Variants in WDR87 observed in about 807,000 individuals in gnomAD.
The protein encoded by WDR87 is WD repeat domain 87.
Under a neutral mutation model 83.3 loss-of-function variants are expected in WDR87, and 56 were observed. That is an observed-to-expected ratio of 0.67 (90% CI 0.54 to 0.84). The LOEUF (loss-of-function observed/expected upper bound fraction) is 0.84. WDR87 is among the 40% of genes least tolerant of loss of function. WDR87 has a pLI of 0.00. For synonymous variants in WDR87, 1,173 were observed against 1,250.6 expected, an observed-to-expected ratio of 0.94 and a Z score of 1.31; for missense variants, 2,939 against 3,431.9, an observed-to-expected ratio of 0.86 and a Z score of 3.59.
intron 1 of WDR87, among the ~76,000 whole-genome samples, chr19:37,902,685 GCACCAGTC>G (rs2046300573): frequency 6.6e-6 from 1 of 152,158 alleles, no homozygotes; most frequent in Admixed American, 6.5e-5. Flanking sequence ...CCTTTTCTTA[GCACCAGTC>G]CACTGTAAGG....
In WDR87 at chr19:37,894,980, G is replaced by T. The variant is rs751844006; in HGVS notation, c.723C>A (p.Gly241=). 6.4e-7 allele frequency: 1 copy of T among 1,551,688 alleles called. No individual in the cohort carries two copies. The highest frequency in any genetic ancestry group is 8.7e-7 in the Non-Finnish European group (1 of 1,146,984). The change falls in exon 4 of 6, where the codon GGC becomes GGA. Residue 241 remains glycine, a synonymous_variant. Coordinates refer to ENST00000447313, the MANE Select transcript of WDR87 (RefSeq NM_001291088.2). ...AGGTGAAGCAGCAGGTGATGGAGGA[G>T]CCGCTGCTGGTGGACGTGAACCTCT... The part of the protein sequence containing the change: ...EVKRFTSTSS[G]SSITCCFTCF...
rs373442328 is a variant in WDR87 at position 37,886,681 on chromosome 19, TTTCTTC to T, written c.6984_6989del (p.Lys2330_Lys2331del). On this transcript the variant is annotated inframe_deletion, in exon 6 of 6. Coordinates refer to ENST00000447313, the MANE Select transcript of WDR87 (RefSeq NM_001291088.2). The stretch of plus-strand genomic sequence containing the variant: ...GAACCTCCTCCTTCTTCTTTTCCTT[TTTCTTC>T]TTCTTCTTCTCCTCCTCTTCTTTCT... The T allele has an allele frequency of 1.3e-4, 197 of 1,473,754 alleles. 1 individual carries two copies. Among genetic ancestry groups the T allele is most frequent in the Non-Finnish European group, 1.5e-5 (16 of 1,085,806 alleles). 91.3% of individuals were successfully genotyped at this position (1,473,754 alleles called of 1,614,324 possible).
In WDR87 at chr19:37,887,202, G is replaced by A. The variant is rs2046156742; in HGVS notation, c.6469C>T (p.Leu2157=). The change falls in exon 6 of 6, where the codon CTG becomes TTG. Residue 2157 remains leucine, a synonymous_variant. Transcript: ENST00000447313. ...GAAAAATCCCACTCTTTGATATCCA[G>A]CTTACTCTGTTCTATACTCAACCTG... The part of the protein sequence containing the change: ...ERRLSIEQSK[L]DIKEWDFSEK... The A allele has an allele frequency of 6.4e-7, 1 of 1,551,706 alleles. No individual in the cohort carries two copies.
chr19:37,897,056 A>G (rs572869625), intron 2 of WDR87, among the ~76,000 whole-genome samples: 2 of 152,152 alleles, frequency 1.3e-5, no homozygotes. Flanking sequence ...GTGCAGCTCT[A>G]AGTTACTGAA....
At position 37,886,377 on chromosome 19, in the gene WDR87, G is replaced by A; in HGVS notation, c.7294C>T (p.Leu2432=). ...LGVLKSPLKK[L]MSTALEMKEK... ...TTCATCTCCAGAGCTGTTGACATCA[G>A]TTTCTTCAAAGGGCTTTTTAGAACT... is the stretch of plus-strand genomic sequence containing the variant. The change falls in exon 6 of 6, where the codon CTG becomes TTG. Residue 2432 remains leucine, a synonymous_variant. Coordinates refer to ENST00000447313, the MANE Select transcript of WDR87 (RefSeq NM_001291088.2). 1.3e-6 allele frequency: 2 copies of A among 1,547,670 alleles called. No individual in the cohort carries two copies. The highest frequency in any genetic ancestry group is 1.7e-6 in the Non-Finnish European group (2 of 1,146,050).
intron 1 of WDR87, among the ~76,000 whole-genome samples, chr19:37,903,844 A>C (rs1255517033): frequency 2.0e-5 from 3 of 151,944 alleles, no homozygotes; most frequent in African/African-American, 7.3e-5. Flanking sequence ...ATTTGGTTTA[A>C]TTCTTACAAT....
chr19:37,885,911 CT>C lies in WDR87; in HGVS notation c.7759del (p.Arg2587AspfsTer15). 3 of 1,552,324 alleles carry C rather than the reference CT, an allele frequency of 1.9e-6. No homozygotes were observed. Among genetic ancestry groups the C allele is most frequent in the Non-Finnish European group, 2.6e-6 (3 of 1,147,144 alleles). The part of the protein sequence containing the change: ...GEQLSRDGFH[R>X]LCQLLKDLAS... ...AAGGTCTTTGAGCAGCTGGCACAGT[CT>C]ATGGAAACCATCCCTGGAAAGCTGT... On this transcript the variant is annotated frameshift_variant, in exon 6 of 6. Coordinates refer to ENST00000447313, the MANE Select transcript of WDR87 (RefSeq NM_001291088.2). LOFTEE classifies it low-confidence loss of function (END_TRUNC).
At position 37,893,034 on chromosome 19, in the gene WDR87, C is replaced by A. The variant is rs200847637; in HGVS notation, c.2669G>T (p.Arg890Ile). Residue 890 changes from arginine to isoleucine, a missense_variant, in exon 4 of 6, where the codon AGA becomes ATA. Arg to Ile is a moderately conservative substitution (Grantham distance 97, BLOSUM62 -3). Around this residue, in one of 3 missense-constraint regions of WDR87, gnomAD observed 2,160 missense variants for 2,533.1 expected, o/e 0.85. Transcript: ENST00000447313. The stretch of plus-strand genomic sequence containing the variant: ...ACTGTAGGTTACATCCTTGGAAAGT[C>A]TCATTTCTAGGAAGTGTTCATCCTC... ...KEEDEHFLEM[R>I]LSKDVTYSVL... 118 of 1,551,660 alleles carry A rather than the reference C, an allele frequency of 7.6e-5. No homozygotes were observed. Among genetic ancestry groups the A allele is most frequent in the Non-Finnish European group, 9.8e-5 (112 of 1,147,014 alleles).
chr19:37,886,555 C>T lies in WDR87; in HGVS notation c.7116G>A (p.Leu2372=). The T allele has an allele frequency of 6.6e-7, 1 of 1,504,582 alleles. No homozygotes were observed. The highest frequency in any genetic ancestry group is 1.7e-4 in the Middle Eastern group (1 of 5,760). The allele number at this position is 1,504,582 out of a possible 1,614,324, so 93.2% of individuals were successfully genotyped here. Residue 2372 remains leucine (L), a synonymous_variant, in exon 6 of 6, where the codon TTG becomes TTA. Coordinates refer to ENST00000447313, the MANE Select transcript of WDR87 (RefSeq NM_001291088.2). ...DEEEEEESCS[L]EEEVDREKEI... ...CTTTTTCCCTGTCCACCTCTTCTTC[C>T]AATGAGCAGCTCTCCTCTTCCTCTT...
chr19:37,890,417 A>G, intron 5 of WDR87, 141 bp from the exon 6 acceptor site: 1 of 1,071,324 alleles, frequency 9.3e-7, no homozygotes, highest in East Asian at 2.8e-5. Flanking sequence ...AAAAAAAAGC[A>G]TTCTCTTTGC....
chr19:37,903,083 C>A (rs2046302804), intron 1 of WDR87, among the ~76,000 whole-genome samples: 1 of 152,134 alleles, frequency 6.6e-6, no homozygotes. Context: ...GGAGACCTGG[C>A]CACCCAAAAG....
Position 37,890,246 on chromosome 19 carries a change from G to A in WDR87, c.3425C>T (p.Thr1142Met), listed in dbSNP as rs542731017. The A allele has an allele frequency of 7.3e-5, 113 of 1,539,656 alleles. No homozygotes were observed. Among genetic ancestry groups the A allele is most frequent in the Admixed American group, 3.4e-4 (17 of 49,482 alleles). Residue 1142 changes from threonine to methionine, a missense_variant, in exon 6 of 6, where the codon ACG becomes ATG. By Grantham distance (81) the Thr-to-Met change is moderately conservative. This residue lies in a region of WDR87 where 2,160 missense variants were observed against 2,533.1 expected (regional missense o/e 0.85). Transcript: ENST00000447313. ...SQKWLRGLKK[T>M]KERDSKQMST... is the part of the protein sequence containing the mutation. ...CATCTGTTTAGAGTCTCTCTCTTTC[G>A]TCTTCTTGAGACCCCGCAACCATTT...
Position 37,895,095 on chromosome 19 carries a change from A to G in WDR87, c.608T>C (p.Leu203Pro). The change falls in exon 4 of 6, where the codon CTG becomes CCG. Residue 203 changes from leucine to proline, a missense_variant. Physicochemically the swap from Leu to Pro is moderately conservative, Grantham distance 98 (BLOSUM62 -3). Transcript: ENST00000447313. ...CAGGAGGGAGCCACTGGGACCATTC[A>G]GCACGATGTCCTGGACAAGCTCATC... ...PGDELVQDIV[L>P]NGPSGSLLAL... The G allele has an allele frequency of 3.9e-6, 6 of 1,551,684 alleles. No individual in the cohort carries two copies. Among genetic ancestry groups the G allele is most frequent in the Non-Finnish European group, 4.4e-6 (5 of 1,146,976 alleles).
intron 1 of WDR87, among the ~76,000 whole-genome samples, chr19:37,899,702 C>A (rs536080283): frequency 2.2e-4 from 34 of 151,982 alleles, no homozygotes; most frequent in Non-Finnish European, 4.0e-4. Flanking sequence ...CCTACCTTGG[C>A]CTCCCCAAAT....
chr19:37,888,822 G>A lies in WDR87; in HGVS notation c.4849C>T (p.His1617Tyr), dbSNP rs1348539418. 3.9e-6 allele frequency: 6 copies of A among 1,551,350 alleles called. No individual in the cohort carries two copies. Among genetic ancestry groups the A allele is most frequent in the Non-Finnish European group, 1.7e-6 (2 of 1,146,980 alleles). Residue 1617 changes from histidine (H) to tyrosine (Y), a missense_variant, in exon 6 of 6, where the codon CAC (histidine) becomes TAC (tyrosine). Physicochemically the swap from His to Tyr is moderately conservative, Grantham distance 83 (BLOSUM62 2). Around this residue, in one of 3 missense-constraint regions of WDR87, gnomAD observed 2,160 missense variants for 2,533.1 expected, o/e 0.85. Transcript: ENST00000447313. ...IQEEHKWARI[H>Y]RKRARAEKKR... The stretch of plus-strand genomic sequence containing the variant: ...TTTTCAGCTCGGGCTCGTTTCCTGT[G>A]TATTCTGGCCCATTTGTGTTCTTCT...
chr19:37,886,711 C>G lies in WDR87; in HGVS notation c.6960G>C (p.Glu2320Asp), dbSNP rs773575641. The G allele has an allele frequency of 1.7e-5, 25 of 1,449,200 alleles. No homozygotes were observed. Among genetic ancestry groups the G allele is most frequent in the Non-Finnish European group, 2.2e-5 (23 of 1,067,972 alleles). The allele number at this position is 1,449,200 out of a possible 1,614,324, so 89.8% of individuals were successfully genotyped here. The change falls in exon 6 of 6, where the codon GAG becomes GAC. Residue 2320 changes from glutamate (E) to aspartate (D), a missense_variant. By Grantham distance (45) the Glu-to-Asp change is conservative. Around this residue, in one of 3 missense-constraint regions of WDR87, gnomAD observed 2,160 missense variants for 2,533.1 expected, o/e 0.85. Transcript: ENST00000447313. ...TCTTCTTCTTCTCCTCCTCTTCTTTCTCCACTTGCTTCTCCTCCCCTTCCT... is the reference window on the plus strand; with the variant it reads ...TCTTCTTCTTCTCCTCCTCTTCTTTGTCCACTTGCTTCTCCTCCCCTTCCT... ...EEEEGEEKQV[E>D]KEEEEKKKKK...
chr19:37,885,370 T>C lies in WDR87; in HGVS notation c.8301A>G (p.Thr2767=). 1 of 1,551,826 alleles carries C rather than the reference T, an allele frequency of 6.4e-7. No homozygotes were observed. Among genetic ancestry groups the C allele is most frequent in the Non-Finnish European group, 8.7e-7 (1 of 1,147,020 alleles). The stretch of plus-strand genomic sequence containing the variant: ...GCAAAACATGGTACAGTGCCACAAA[T>C]GTCTCCCACAAAGGCAACTCTTCCT... ...KKKEELPLWE[T]FVALYHVLRM... is the part of the protein sequence containing the mutation. Residue 2767 remains threonine (T), a synonymous_variant, in exon 6 of 6, where the codon ACA becomes ACG. Transcript: ENST00000447313.
rs759797892 is a variant in WDR87 at position 37,893,032 on chromosome 19, G to C, written c.2671C>G (p.Leu891Val). The C allele has an allele frequency of 3.4e-5, 53 of 1,551,632 alleles. No homozygotes were observed. The highest frequency in any genetic ancestry group is 3.2e-4 in the East Asian group (13 of 40,940). Residue 891 changes from leucine to valine, a missense_variant, in exon 4 of 6, where the codon CTT becomes GTT. This residue lies in a region of WDR87 where 2,160 missense variants were observed against 2,533.1 expected (regional missense o/e 0.85). Transcript: ENST00000447313. ...EEDEHFLEMR[L>V]SKDVTYSVLT... ...ACACTGTAGGTTACATCCTTGGAAA[G>C]TCTCATTTCTAGGAAGTGTTCATCC... is the stretch of plus-strand genomic sequence containing the variant.
intron 2 of WDR87, 81 bp from the exon 3 acceptor site, chr19:37,896,389 A>G: frequency 6.9e-7 from 1 of 1,448,952 alleles, no homozygotes; most frequent in Non-Finnish European, 9.3e-7. Context: ...CAGTTGGAGC[A>G]GTTCCCAAAG....
Sources: gnomAD v4.1 joint callset for allele counts (sites outside exome capture counted in the v4.1 genomes callset) on GRCh38, gnomAD v4.1.1 for gene constraint, gnomAD v4.1.1 regional missense constraint, MANE v1.5 for transcripts, NCBI Gene and HGNC (gene_info 2026-07-23, HGNC 2026-07-21) for gene names.